KCNN2: variants seen among roughly 807,000 people sequenced by gnomAD.
The protein encoded by KCNN2 is small conductance calcium-activated potassium channel protein 2.
Under a neutral mutation model 55.5 loss-of-function variants are expected in KCNN2, and 24 were observed. The observed-to-expected ratio is 0.43, with a 90% CI of 0.31 to 0.61. The LOEUF (loss-of-function observed/expected upper bound fraction) is 0.61. Ranked by LOEUF, KCNN2 falls within the 20% of genes least tolerant of loss-of-function variation. KCNN2 has a pLI of 0.08. For missense variants in KCNN2, 754 were observed against 853.6 expected, an observed-to-expected ratio of 0.88 and a Z score of 1.45; for synonymous variants, 431 against 336.1, an observed-to-expected ratio of 1.28 and a Z score of -3.09.
intron 1 of KCNN2, among the ~76,000 whole-genome samples, chr5:114,166,142 G>A (rs974628439): frequency 1.3e-5 from 2 of 151,748 alleles, no homozygotes; most frequent in African/African-American, 4.8e-5. Flanking sequence ...CACCCTCCTC[G>A]GCCTCCCAAA....
intron 3 of KCNN2, among the ~76,000 whole-genome samples, chr5:114,449,990 C>T (rs1452816618): frequency 6.6e-6 from 1 of 152,134 alleles, no homozygotes; most frequent in Non-Finnish European, 1.5e-5. Context: ...GGTATTCCCA[C>T]AACATCACCT....
intron 2 of KCNN2, among the ~76,000 whole-genome samples, chr5:114,386,285 G>A (rs1758283813): frequency 6.6e-6 from 1 of 151,308 alleles, no homozygotes; most frequent in South Asian, 2.1e-4. Context: ...AATAGTGATT[G>A]TGGATTTACA....
intron 2 of KCNN2, chr5:114,253,516 C>T (rs894454885): frequency 5.2e-5 from 8 of 152,952 alleles, no homozygotes; most frequent in African/African-American, 1.4e-4. Flanking sequence ...AGGAGGAGGA[C>T]GTGAGAGTTA....
Position 114,392,072 on chromosome 5 carries a change from G to A in KCNN2, c.1219-12366G>A, listed in dbSNP as rs182429716. 1.5e-4 allele frequency among the ~76,000 whole-genome samples: 23 copies of A among 152,262 alleles called. No homozygotes were observed. In the East Asian group the frequency reaches 4.1e-3, roughly 27 times the overall value. Reference sequence around the variant, plus strand: ...ATTTCAGATTGGAACTGCATCATATGGCTACACATAACTGCAAAGGAGTCT... The same window carrying A: ...ATTTCAGATTGGAACTGCATCATATAGCTACACATAACTGCAAAGGAGTCT... On this transcript the variant is annotated intron_variant, in intron 2 of 7. Transcript: ENST00000673685.
chr5:114,400,435 A>G (rs1368651596), intron 2 of KCNN2, among the ~76,000 whole-genome samples: 1 of 152,104 alleles, frequency 6.6e-6, no homozygotes, highest in Non-Finnish European at 1.5e-5. Context: ...TCCTTCCACA[A>G]CTGCCCCTCT....
chr5:114,388,804 T>G (rs1281478668), intron 2 of KCNN2, among the ~76,000 whole-genome samples: 1 of 151,962 alleles, frequency 6.6e-6, no homozygotes, highest in African/African-American at 2.4e-5. Context: ...TGACTTATTC[T>G]ATATCAGTTT....
chr5:114,317,861 G>T (rs563800164), intron 2 of KCNN2, among the ~76,000 whole-genome samples: 1 of 152,216 alleles, frequency 6.6e-6, no homozygotes, highest in Non-Finnish European at 1.5e-5. Flanking sequence ...ACTGCCTGCC[G>T]CAGGCAACGT....
At chr5:114,126,202 T>G (rs1430718647) in intron 1 of KCNN2, among the ~76,000 whole-genome samples, 1 of 152,296 alleles carries the variant, frequency 6.6e-6, no homozygotes, top group East Asian at 1.9e-4. Context: ...GAACTCATTT[T>G]AACTTAATTA....
intron 2 of KCNN2, among the ~76,000 whole-genome samples, chr5:114,224,735 C>T (rs78468513): frequency 0.019 from 2,904 of 152,222 alleles, 83 homozygotes; most frequent in African/African-American, 0.066. Flanking sequence ...TCAGCCTCCC[C>T]TTTCTTCTCC....
chr5:114,288,495 TATATAC>T (rs1192121081), intron 2 of KCNN2, among the ~76,000 whole-genome samples: 13 of 75,310 alleles, frequency 1.7e-4, no homozygotes, highest in Non-Finnish European at 3.0e-4. Context: ...TTTATATATA[TATATAC>T]ACACACACAC....
chr5:114,161,464 C>G (rs569238013), intron 1 of KCNN2, among the ~76,000 whole-genome samples: 1 of 150,816 alleles, frequency 6.6e-6, no homozygotes, highest in East Asian at 2.0e-4. Context: ...TTTGGTGAAT[C>G]TGACAATTAT....
chr5:114,320,450 A>G (rs10069837), intron 2 of KCNN2, among the ~76,000 whole-genome samples: 21,122 of 151,748 alleles, frequency 0.14, 1,987 homozygotes, highest in Non-Finnish European at 0.19. Context: ...CGTCTCTACT[A>G]AAAAATACAA....
At chr5:114,205,238 T>G (rs996831439) in intron 1 of KCNN2, among the ~76,000 whole-genome samples, 6 of 152,196 alleles carry the variant, frequency 3.9e-5, no homozygotes, top group Non-Finnish European at 7.4e-5. Context: ...ATAAAAAATA[T>G]TTTCAAACGC....
At chr5:114,307,940 A>G (rs1263840689) in intron 2 of KCNN2, among the ~76,000 whole-genome samples, 1 of 151,870 alleles carries the variant, frequency 6.6e-6, no homozygotes, top group African/African-American at 2.4e-5. Context: ...CCATACCCCA[A>G]TCAAAAATCC....
chr5:114,466,284 G>A (rs1761445065), intron 4 of KCNN2, among the ~76,000 whole-genome samples: 3 of 152,024 alleles, frequency 2.0e-5, no homozygotes, highest in Non-Finnish European at 4.4e-5. Flanking sequence ...TATTGTAAAG[G>A]TCATGATAAA....
intron 6 of KCNN2, among the ~76,000 whole-genome samples, chr5:114,491,380 T>A (rs760505926): frequency 1.3e-5 from 2 of 152,148 alleles, no homozygotes; most frequent in Non-Finnish European, 2.9e-5. Context: ...TCCATTTTTA[T>A]ACAAATGGAT....
At chr5:114,339,579 G>T (rs1470544540) in intron 2 of KCNN2, among the ~76,000 whole-genome samples, 6 of 152,120 alleles carry the variant, frequency 3.9e-5, no homozygotes, top group Non-Finnish European at 8.8e-5. Context: ...GAGGTGGGCG[G>T]ATTGCTTTAG....
chr5:114,450,750 TGGA>T (rs1221622119), intron 3 of KCNN2, among the ~76,000 whole-genome samples: 1 of 152,090 alleles, frequency 6.6e-6, no homozygotes, highest in Non-Finnish European at 1.5e-5. Flanking sequence ...TGGAAATTAG[TGGA>T]GAATTTTTTT....
intron 2 of KCNN2, among the ~76,000 whole-genome samples, chr5:114,296,728 A>G (rs911840352): frequency 4.6e-5 from 7 of 152,230 alleles, no homozygotes; most frequent in Admixed American, 1.3e-4. Context: ...TAGAAAGGGC[A>G]TTTAAAAGTT....
Sources: gnomAD v4.1 joint callset for allele counts (sites outside exome capture counted in the v4.1 genomes callset) on GRCh38, gnomAD v4.1.1 for gene constraint, MANE v1.5 for transcripts, NCBI Gene and HGNC (gene_info 2026-07-23, HGNC 2026-07-21) for gene names.